CRPPA: variants seen among roughly 807,000 people sequenced by gnomAD.
CRPPA encodes CDP-L-ribitol pyrophosphorylase A.
A neutral mutation model predicts 52.0 loss-of-function variants in CRPPA; 43 were observed. The ratio of observed to expected loss-of-function variants is 0.83; its 90% confidence interval spans 0.65 to 1.07. The LOEUF is 1.07. Ranked by LOEUF, CRPPA falls within the 50% of genes least tolerant of loss-of-function variation. The pLI, the probability that CRPPA is intolerant of heterozygous loss-of-function variation, is 0.00. For missense variants in CRPPA, 629 were observed against 551.7 expected (o/e 1.14, Z -1.40); for synonymous variants, 250 against 203.5 (o/e 1.23, Z -1.94).
At chr7:16,238,341 G>A (rs893427537) in intron 8 of CRPPA, among the ~76,000 whole-genome samples, 9 of 152,068 alleles carry the variant, frequency 5.9e-5, no homozygotes, top group Non-Finnish European at 1.0e-4. Flanking sequence ...GTAAGGGAGA[G>A]AATAAGATCA....
At chr7:16,349,795 T>A (rs1053886500) in intron 3 of CRPPA, among the ~76,000 whole-genome samples, 2 of 151,984 alleles carry the variant, frequency 1.3e-5, no homozygotes, top group African/African-American at 4.8e-5. Flanking sequence ...AACGTATGCA[T>A]TATCCACATG....
At chr7:16,338,660 T>C (rs1454216952) in intron 3 of CRPPA, among the ~76,000 whole-genome samples, 1 of 152,142 alleles carries the variant, frequency 6.6e-6, no homozygotes, top group Non-Finnish European at 1.5e-5. Context: ...TGATAACCTA[T>C]AGGAAATGTA....
chr7:16,295,462 T>A (rs188571144), intron 5 of CRPPA, among the ~76,000 whole-genome samples: 27 of 152,204 alleles, frequency 1.8e-4, no homozygotes. Context: ...ACAGGCACCA[T>A]GAGGCAGTTT....
chr7:16,205,158 G>A (rs1402857614), intron 9 of CRPPA, among the ~76,000 whole-genome samples: 1 of 152,062 alleles, frequency 6.6e-6, no homozygotes, highest in East Asian at 1.9e-4. Context: ...TCACAACAAC[G>A]GCCACATTTG....
intron 8 of CRPPA, among the ~76,000 whole-genome samples, chr7:16,222,067 C>G (rs1271862740): frequency 1.3e-4 from 20 of 149,868 alleles, no homozygotes; most frequent in African/African-American, 4.4e-4. Context: ...CAATGATAGA[C>G]TGGATTAAGA....
At chr7:16,124,499 T>G (rs1782538075) in intron 9 of CRPPA, among the ~76,000 whole-genome samples, 1 of 152,198 alleles carries the variant, frequency 6.6e-6, no homozygotes, top group Admixed American at 6.5e-5. Flanking sequence ...ATGCTACATG[T>G]TCTCACTCAT....
At chr7:16,392,411 T>C (rs1787469056) in intron 2 of CRPPA, among the ~76,000 whole-genome samples, 1 of 152,176 alleles carries the variant, frequency 6.6e-6, no homozygotes, top group African/African-American at 2.4e-5. Context: ...CATATTTTTG[T>C]CCTGCTTTCA....
At chr7:16,142,342 T>G (rs1479775211) in intron 9 of CRPPA, among the ~76,000 whole-genome samples, 1 of 152,206 alleles carries the variant, frequency 6.6e-6, no homozygotes, top group African/African-American at 2.4e-5. Context: ...TCTGCTTCCC[T>G]CTCTCTGCCC....
At chr7:16,348,373 AG>A (rs1233405531) in intron 3 of CRPPA, among the ~76,000 whole-genome samples, 1 of 152,190 alleles carries the variant, frequency 6.6e-6, no homozygotes, top group African/African-American at 2.4e-5. Context: ...AAGCATGTCC[AG>A]GGGCTTAATC....
intron 8 of CRPPA, among the ~76,000 whole-genome samples, chr7:16,226,411 A>T (rs1782652594): frequency 1.3e-5 from 2 of 151,916 alleles, no homozygotes; most frequent in Admixed American, 6.6e-5. Context: ...TTAAAATAAA[A>T]TGCCAACTTA....
intron 5 of CRPPA, among the ~76,000 whole-genome samples, chr7:16,288,023 A>G (rs1279030503): frequency 6.6e-6 from 1 of 152,184 alleles, no homozygotes; most frequent in African/African-American, 2.4e-5. Context: ...AAGGATGAAG[A>G]AACCACCTAC....
intron 1 of CRPPA, among the ~76,000 whole-genome samples, chr7:16,412,338 T>C (rs55746209): frequency 0.15 from 23,003 of 152,170 alleles, 1,982 homozygotes; most frequent in Admixed American, 0.19. Context: ...AGCACAGAGA[T>C]AGGTTGTTTG....
At chr7:16,222,971 T>C (rs1358196220) in intron 8 of CRPPA, among the ~76,000 whole-genome samples, 4 of 152,166 alleles carry the variant, frequency 2.6e-5, no homozygotes, top group African/African-American at 9.7e-5. Flanking sequence ...CTTTTCTAAC[T>C]ATTTTTAAAT....
intron 8 of CRPPA, among the ~76,000 whole-genome samples, chr7:16,257,016 T>C (rs745666095): frequency 4.6e-5 from 7 of 152,042 alleles, no homozygotes; most frequent in Non-Finnish European, 7.4e-5. Context: ...AAGAGGACCA[T>C]ACTATTAAAC....
intron 9 of CRPPA, among the ~76,000 whole-genome samples, chr7:16,121,874 C>CCTG (rs1477405918): frequency 6.6e-6 from 1 of 151,964 alleles, no homozygotes; most frequent in Non-Finnish European, 1.5e-5. Context: ...TGGCATGATC[C>CCTG]CTGGCAGGAT....
chr7:16,224,452 T>C (rs543721206), intron 8 of CRPPA, among the ~76,000 whole-genome samples: 11 of 152,212 alleles, frequency 7.2e-5, no homozygotes, highest in Non-Finnish European at 1.3e-4. Context: ...TGAGGGGAAA[T>C]AGTCTCTGTT....
At chr7:16,154,975 T>C (rs1249838204) in intron 9 of CRPPA, among the ~76,000 whole-genome samples, 1 of 40,032 alleles carries the variant, frequency 2.5e-5, no homozygotes, top group Non-Finnish European at 5.7e-5. Context: ...AATTTTTTCT[T>C]TTTTTTTTTT....
chr7:16,333,170 T>C (rs549314399), intron 3 of CRPPA, among the ~76,000 whole-genome samples: 22 of 152,170 alleles, frequency 1.4e-4, no homozygotes, highest in African/African-American at 4.6e-4. Flanking sequence ...AATTGGAGAC[T>C]TCAAAACCTT....
At chr7:16,397,742 C>T (rs992381518) in intron 2 of CRPPA, among the ~76,000 whole-genome samples, 3 of 152,140 alleles carry the variant, frequency 2.0e-5, no homozygotes, top group East Asian at 1.9e-4. Flanking sequence ...GTGACTGACG[C>T]GAATGACACG....
Sources: allele counts gnomAD v4.1 joint callset (sites outside exome capture counted in the v4.1 genomes callset), GRCh38; gene constraint gnomAD v4.1.1; transcripts MANE v1.5; gene names NCBI Gene and HGNC (gene_info 2026-07-23, HGNC 2026-07-21).